The following ATP2B2 variants were observed in gnomAD, a reference collection of about 807,000 sequenced individuals.
ATP2B2 encodes ATPase plasma membrane Ca2+ transporting 2.
Under a neutral mutation model 120.0 loss-of-function variants are expected in ATP2B2, and 15 were observed. The observed-to-expected ratio is 0.12, with a 90% CI of 0.08 to 0.19. ATP2B2 has a LOEUF of 0.19. Among genes scored for constraint, ATP2B2 ranks in the 10% least tolerant of loss-of-function variants. The probability of loss-of-function intolerance (pLI) is 1.00; values close to 1 mark genes in which losing one functional copy is unlikely to be tolerated. For missense variants in ATP2B2, 1,045 were observed against 1,719.8 expected (o/e 0.61, Z 6.94); for synonymous variants, 694 against 700.3 (o/e 0.99, Z 0.14).
Position 10,375,040 on chromosome 3 carries a change from A to G in ATP2B2, c.1416+390T>C, listed in dbSNP as rs1312199711. ...AGGATGAATTCTGGCTTGCACGGTGATGTCTTTATTATTTTTTTAAAATTT... is the reference window on the plus strand; with the variant it reads ...AGGATGAATTCTGGCTTGCACGGTGGTGTCTTTATTATTTTTTTAAAATTT... On this transcript the variant is annotated intron_variant, in intron 11 of 22. Coordinates refer to ENST00000360273, the MANE Select transcript of ATP2B2 (RefSeq NM_001001331.4). This position sits in a 1 kb window ranked among gnomAD's most constrained non-coding sequence, Gnocchi z 4.2. Among the ~76,000 whole-genome samples, 1 of 152,118 alleles carries G rather than the reference A, an allele frequency of 6.6e-6. No individual in the cohort carries two copies. Among genetic ancestry groups the G allele is most frequent in the African/African-American group, 2.4e-5 (1 of 41,402 alleles).
chr3:10,440,080 C>A (rs1459661982), intron 2 of ATP2B2, among the ~76,000 whole-genome samples: 1 of 113,368 alleles, frequency 8.8e-6, no homozygotes, highest in Non-Finnish European at 1.6e-5. Flanking sequence ...CCAGCCTGGG[C>A]AACAGAGTGA....
intron 2 of ATP2B2, among the ~76,000 whole-genome samples, chr3:10,600,898 G>A (rs73033874): frequency 0.011 from 1,658 of 152,224 alleles, 20 homozygotes; most frequent in Non-Finnish European, 0.018. Flanking sequence ...CAAAAGCCCA[G>A]ATGAAGTGTT....
At chr3:10,416,238 G>A (rs2062776730) in intron 2 of ATP2B2, among the ~76,000 whole-genome samples, 1 of 152,320 alleles carries the variant, frequency 6.6e-6, no homozygotes, top group South Asian at 2.1e-4. Context: ...TGCTGTCACG[G>A]CTGCTTGCTG....
chr3:10,576,441 T>A (rs1314813469), intron 2 of ATP2B2, among the ~76,000 whole-genome samples: 2 of 152,110 alleles, frequency 1.3e-5, no homozygotes, highest in African/African-American at 4.8e-5. Flanking sequence ...AGTGCAGTGG[T>A]ATCATCATGG....
intron 1 of ATP2B2, among the ~76,000 whole-genome samples, chr3:10,482,188 G>A (rs1035798873): frequency 1.3e-5 from 2 of 152,204 alleles, no homozygotes; most frequent in Non-Finnish European, 2.9e-5. Context: ...CTGCATTTAC[G>A]TGCTCTGTCT....
At chr3:10,433,369 G>A (rs2063381203) in intron 2 of ATP2B2, among the ~76,000 whole-genome samples, 1 of 152,152 alleles carries the variant, frequency 6.6e-6, no homozygotes, top group Admixed American at 6.5e-5. Flanking sequence ...CCAGCTGACA[G>A]CTCTAGGCTC....
At chr3:10,349,104 T>A (rs1352276246) in intron 16 of ATP2B2, among the ~76,000 whole-genome samples, 2 of 152,094 alleles carry the variant, frequency 1.3e-5, no homozygotes, top group Admixed American at 1.3e-4. Context: ...CAGAGTGGGA[T>A]TTGCCCAAGG....
At chr3:10,404,133 T>C (rs989479065) in intron 3 of ATP2B2, among the ~76,000 whole-genome samples, 5 of 152,032 alleles carry the variant, frequency 3.3e-5, no homozygotes, top group African/African-American at 1.2e-4. Flanking sequence ...CCCAGCTGCA[T>C]GCACCCCTGG....
chr3:10,386,661 C>T (rs2061690320), intron 6 of ATP2B2, 149 bp from the exon 7 acceptor site: 2 of 907,164 alleles, frequency 2.2e-6, no homozygotes, highest in South Asian at 1.4e-5. Flanking sequence ...GTGGCGGGCT[C>T]TAAGCAATGT....
chr3:10,676,598 T>C (rs1420592354), intron 1 of ATP2B2, among the ~76,000 whole-genome samples: 1 of 152,074 alleles, frequency 6.6e-6, no homozygotes, highest in Non-Finnish European at 1.5e-5. Flanking sequence ...CAATTTGACT[T>C]CATATTCCTG....
chr3:10,466,873 G>GACA (rs1273634965), intron 1 of ATP2B2, among the ~76,000 whole-genome samples: 1 of 152,202 alleles, frequency 6.6e-6, no homozygotes, highest in Non-Finnish European at 1.5e-5. Context: ...CAGAGATAGC[G>GACA]ACATCTCCAG....
In ATP2B2 at chr3:10,346,008, G is replaced by A. The variant is rs2060421418; in HGVS notation, c.2511+23C>T. On this transcript the variant is annotated intron_variant, in intron 17 of 22. Coordinates refer to ENST00000360273, the MANE Select transcript of ATP2B2 (RefSeq NM_001001331.4). The surrounding 1 kb of genome is among the most constrained non-coding windows in gnomAD (Gnocchi z 4.1). The stretch of plus-strand genomic sequence containing the variant: ...AATCTCCCCAGCCCCCACCACCCCA[G>A]GCCCTCTGTGGGCCGTTCCTACCAT... 1.2e-6 allele frequency: 2 copies of A among 1,601,642 alleles called. No homozygotes were observed. The highest frequency in any genetic ancestry group is 8.5e-7 in the Non-Finnish European group (1 of 1,175,864).
chr3:10,549,659 C>G (rs1386454499), intron 2 of ATP2B2, among the ~76,000 whole-genome samples: 1 of 152,118 alleles, frequency 6.6e-6, no homozygotes, highest in Non-Finnish European at 1.5e-5. Context: ...CTCTCCTTCC[C>G]TACCTCCCTC....
intron 2 of ATP2B2, among the ~76,000 whole-genome samples, chr3:10,542,164 G>C (rs983960802): frequency 6.6e-6 from 1 of 152,008 alleles, no homozygotes; most frequent in Non-Finnish European, 1.5e-5. Flanking sequence ...GTCTCTTGTA[G>C]CTAGCATGTA....
chr3:10,656,359 T>A (rs1163719894), intron 1 of ATP2B2, among the ~76,000 whole-genome samples: 2 of 152,182 alleles, frequency 1.3e-5, no homozygotes, highest in Non-Finnish European at 2.9e-5. Flanking sequence ...AGCCAACCTG[T>A]CTAGCTCTCA....
intron 1 of ATP2B2, among the ~76,000 whole-genome samples, chr3:10,504,520 C>T (rs945598136): frequency 6.6e-6 from 1 of 151,666 alleles, no homozygotes; most frequent in Non-Finnish European, 1.5e-5. Context: ...GGGCCCGAGA[C>T]CCCCAGGGCC....
chr3:10,653,245 CAAT>C (rs1297769076), intron 1 of ATP2B2, among the ~76,000 whole-genome samples: 1 of 152,194 alleles, frequency 6.6e-6, no homozygotes, highest in African/African-American at 2.4e-5. Flanking sequence ...GGCCAGCCAC[CAAT>C]GACCCCCCTT....
rs964873014 is a variant in ATP2B2, at chr3:10,347,608, C to T, written c.2405-1471G>A. On this transcript the variant is annotated intron_variant, in intron 16 of 22. Transcript: ENST00000360273. The surrounding 1 kb of genome is among the most constrained non-coding windows in gnomAD (Gnocchi z 5.2). ...GCTGTCGGTGACCCCTCAGTTCCACCGTCCTGGACTCAGCCTCCCCAAGCT... is the reference window on the plus strand; with the variant it reads ...GCTGTCGGTGACCCCTCAGTTCCACTGTCCTGGACTCAGCCTCCCCAAGCT... 1.3e-5 allele frequency among the ~76,000 whole-genome samples: 2 copies of T among 152,208 alleles called. No homozygotes were observed. The highest frequency in any genetic ancestry group is 6.5e-5 in the Admixed American group (1 of 15,292).
intron 3 of ATP2B2, among the ~76,000 whole-genome samples, chr3:10,407,135 G>A (rs917096826): frequency 1.3e-5 from 2 of 152,176 alleles, no homozygotes; most frequent in South Asian, 4.1e-4. Flanking sequence ...AACTCTGGGT[G>A]AGTCCCCACC....
Sources: gnomAD v4.1 joint callset for allele counts (sites outside exome capture counted in the v4.1 genomes callset) on GRCh38, gnomAD v4.1.1 for gene constraint, Gnocchi (gnomAD v3.1) non-coding constraint, MANE v1.5 for transcripts, NCBI Gene and HGNC (gene_info 2026-07-23, HGNC 2026-07-21) for gene names.